Variants in HROB observed in about 807,000 individuals in gnomAD.
HROB encodes homologous recombination factor with OB-fold, also known as homologous recombination OB-fold protein.
Under a neutral mutation model 61.0 loss-of-function variants are expected in HROB, and 44 were observed. The ratio of observed to expected loss-of-function variants is 0.72; its 90% CI spans 0.57 to 0.93. HROB has a LOEUF of 0.93. HROB is among the 40% of genes least tolerant of loss of function. HROB has a pLI of 0.00. For missense variants in HROB, 716 were observed against 796.2 expected (o/e 0.90, Z 1.21); for synonymous variants, 301 against 310.4 (o/e 0.97, Z 0.32).
chr17:44,148,853 GTC>G lies in HROB; in HGVS notation c.1053_1054del (p.Pro352CysfsTer80). ...QPQAPVSSIG[S>X]PVGTPKGPQG... ...CGCAAGCTCCAGTGTCTTCCATTGG[GTC>G]TCCTGTTGGTACCCCAAAAGGTCCC... is the stretch of plus-strand genomic sequence containing the variant. On this transcript the variant is annotated frameshift_variant, in exon 3 of 10. Transcript: ENST00000585683. LOFTEE classifies it high-confidence loss of function. 1.2e-6 allele frequency: 2 copies of G among 1,614,106 alleles called. No individual in the cohort carries two copies. Among genetic ancestry groups the G allele is most frequent in the Non-Finnish European group, 1.7e-6 (2 of 1,180,024 alleles).
Position 44,152,676 on chromosome 17 carries a change from G to A in HROB, c.1348G>A (p.Gly450Arg). The change falls in exon 5 of 10, where the codon GGG becomes AGG. Residue 450 changes from glycine to arginine, a missense_variant. Gly to Arg is a moderately radical substitution (Grantham distance 125). Coordinates refer to ENST00000585683, the MANE Select transcript of HROB (RefSeq NM_001171251.3). ...SSQASVEEDF[G>R]RGPWLTMKST... Reference sequence around the variant, plus strand: ...CCAGGCATCTGTGGAGGAGGATTTTGGGCGAGGGCCCTGGCTGACCATGAA... The same window carrying A: ...CCAGGCATCTGTGGAGGAGGATTTTAGGCGAGGGCCCTGGCTGACCATGAA... The A allele has an allele frequency of 4.3e-6, 7 of 1,614,184 alleles. No homozygotes were observed. Among genetic ancestry groups the A allele is most frequent in the Non-Finnish European group, 5.9e-6 (7 of 1,180,030 alleles).
chr17:44,150,869 C>T, intron 3 of HROB, 92 bp from the exon 4 acceptor site: 2 of 1,086,574 alleles, frequency 1.8e-6, no homozygotes. Flanking sequence ...CTGATCATTT[C>T]CTGAACTCAT....
chr17:44,148,444 T>G lies in HROB; in HGVS notation c.641T>G (p.Val214Gly). 1.2e-6 allele frequency: 2 copies of G among 1,614,130 alleles called. No individual in the cohort carries two copies. The highest frequency in any genetic ancestry group is 2.2e-5 in the South Asian group (2 of 91,080). Residue 214 changes from valine (V) to glycine (G), a missense_variant, in exon 3 of 10, where the codon GTG (valine) becomes GGG (glycine). Physicochemically the swap from Val to Gly is moderately radical, Grantham distance 109. Transcript: ENST00000585683. ...DLSGSCQKGP[V>G]PAIHKAGIMS... The stretch of plus-strand genomic sequence containing the variant: ...AGTGGATCTTGCCAGAAGGGGCCTG[T>G]GCCTGCCATCCACAAAGCGGGTATC...
Position 44,152,148 on chromosome 17 carries a change from T to G in HROB, c.1309-489T>G, listed in dbSNP as rs149386241. Among the ~76,000 whole-genome samples, 734 of 151,318 alleles carry G rather than the reference T, an allele frequency of 4.9e-3. 6 individuals carry two copies. The highest frequency in any genetic ancestry group is 8.7e-3 in the Non-Finnish European group (588 of 67,790). The stretch of plus-strand genomic sequence containing the variant: ...GTGTGAGCCACTGCGCCCAGTCAAT[T>G]TTTGTATTTTTAGTAGAGACGAGGT... On this transcript the variant is annotated intron_variant, in intron 4 of 9. Transcript: ENST00000585683.
In HROB at chr17:44,148,415, T is replaced by G; in HGVS notation, c.612T>G (p.Asp204Glu). The G allele has an allele frequency of 6.2e-7, 1 of 1,614,062 alleles. No homozygotes were observed. Among genetic ancestry groups the G allele is most frequent in the South Asian group, 1.1e-5 (1 of 91,080 alleles). Reference protein sequence around the residue: ...SVLAKKARVVDLSGSCQKGPV... With the variant: ...SVLAKKARVVELSGSCQKGPV... The stretch of plus-strand genomic sequence containing the variant: ...TGGCTAAAAAAGCCCGGGTAGTTGA[T>G]CTGAGTGGATCTTGCCAGAAGGGGC... Residue 204 changes from aspartate (D) to glutamate (E), a missense_variant, in exon 3 of 10, where the codon GAT (aspartate) becomes GAG (glutamate). By Grantham distance (45) the Asp-to-Glu change is conservative (BLOSUM62 2). Coordinates refer to ENST00000585683, the MANE Select transcript of HROB (RefSeq NM_001171251.3).
Position 44,160,607 on chromosome 17 carries a change from T to G in HROB, c.1880-1264T>G, listed in dbSNP as rs2054110519. ...TCCATATATAATCATCTCTATATCC[T>G]ATTTCTAGTATAACTTTTCTTATTC... On this transcript the variant is annotated intron_variant, in intron 9 of 9. Coordinates refer to ENST00000585683, the MANE Select transcript of HROB (RefSeq NM_001171251.3). Among the ~76,000 whole-genome samples, 5 of 152,182 alleles carry G rather than the reference T, an allele frequency of 3.3e-5. No individual in the cohort carries two copies. The South Asian group carries it at 1.0e-3, about 31-fold the overall frequency.
rs909641062 is a variant in HROB at position 44,162,057 on chromosome 17, T to C, written c.*125T>C. ...GGACACAGCCGGGGGGCTTCTGTGG[T>C]TGCTCCCACCCTGGGTGTTTTCCCT... is the stretch of plus-strand genomic sequence containing the variant. On this transcript the variant is annotated 3_prime_UTR_variant, in exon 10 of 10. Transcript: ENST00000585683. The C allele has an allele frequency of 1.4e-5, 15 of 1,099,712 alleles. No homozygotes were observed. The highest frequency in any genetic ancestry group is 2.0e-5 in the Non-Finnish European group (15 of 756,024). The allele number at this position is 1,099,712 out of a possible 1,614,324, so 68.1% of individuals were successfully genotyped here.
chr17:44,153,366 G>A (rs1488873442), intron 5 of HROB, among the ~76,000 whole-genome samples: 1 of 151,842 alleles, frequency 6.6e-6, no homozygotes, highest in Non-Finnish European at 1.5e-5. Context: ...GAGGCCAGAG[G>A]ATCACTTGAT....
intron 1 of HROB, among the ~76,000 whole-genome samples, chr17:44,144,426 C>A (rs1409702098): frequency 6.6e-6 from 1 of 152,116 alleles, no homozygotes; most frequent in Non-Finnish European, 1.5e-5. Context: ...TAGGTGTGAG[C>A]CACCACGCCC....
rs1199550756 is a variant in HROB, at chr17:44,148,605, G to T, written c.802G>T (p.Val268Phe). 1.2e-6 allele frequency: 2 copies of T among 1,613,706 alleles called. No individual in the cohort carries two copies. Among genetic ancestry groups the T allele is most frequent in the Non-Finnish European group, 1.7e-6 (2 of 1,180,024 alleles). The part of the protein sequence containing the change: ...TVPTQQLHWE[V>F]CPQRSPVQAL... ...TCCCACTCAGCAACTCCACTGGGAA[G>T]TCTGTCCGCAACGCTCCCCTGTTCA... The change falls in exon 3 of 10, where the codon GTC becomes TTC. Residue 268 changes from valine to phenylalanine, a missense_variant. Val to Phe is a conservative substitution (Grantham distance 50). Transcript: ENST00000585683.
chr17:44,152,914 G>A, intron 5 of HROB, 137 bp downstream of exon 5: 1 of 1,122,832 alleles, frequency 8.9e-7, no homozygotes, highest in South Asian at 1.6e-5. Flanking sequence ...AGCCCCTTTG[G>A]TTGTATCTTC....
Position 44,148,160 on chromosome 17 carries a change from G to A in HROB, c.357G>A (p.Val119=). 6.2e-7 allele frequency: 1 copy of A among 1,614,194 alleles called. No individual in the cohort carries two copies. Residue 119 remains valine (V), a synonymous_variant, in exon 3 of 10, where the codon GTG becomes GTA. Transcript: ENST00000585683. The part of the protein sequence containing the change: ...SWIGNQRRVT[V]TEVLRETARP... ...TTGGCAATCAGAGAAGAGTGACAGT[G>A]ACAGAAGTGCTCAGAGAGACAGCAA...
At chr17:44,155,168 C>T in intron 7 of HROB, 118 bp from the exon 8 acceptor site, 2 of 1,481,312 alleles carry the variant, frequency 1.4e-6, no homozygotes, top group African/African-American at 1.4e-5. Flanking sequence ...AAATGGTTCT[C>T]TTCTGGCACC....
intron 7 of HROB, 135 bp from the exon 8 acceptor site, chr17:44,155,151 T>A: frequency 7.1e-7 from 1 of 1,400,012 alleles, no homozygotes; most frequent in Non-Finnish European, 9.8e-7. Flanking sequence ...TAAGGGGAGA[T>A]TGTGGCAAAT....
chr17:44,144,841 G>A (rs1450692840), intron 1 of HROB, among the ~76,000 whole-genome samples: 3 of 148,362 alleles, frequency 2.0e-5, no homozygotes, highest in East Asian at 2.0e-4. Context: ...TCAGCCTCCC[G>A]AGTAGCTGGG....
Position 44,157,828 on chromosome 17 carries a change from CCCAGGAT to C in HROB, c.1771-4_1773del, listed in dbSNP as rs2054016646. 1 of 1,610,108 alleles carries C rather than the reference CCCAGGAT, an allele frequency of 6.2e-7. No homozygotes were observed. Among genetic ancestry groups the C allele is most frequent in the Non-Finnish European group, 8.5e-7 (1 of 1,177,842 alleles). ...GGCATTGGTAACCAGATCCTCTGTC[CCCAGGAT>C]TCAGGGAGCTTCCAGCATGATGTGG... On this transcript the variant is annotated splice_acceptor_variant and splice_polypyrimidine_tract_variant and coding_sequence_variant and intron_variant, in exon 9 of 10. Transcript: ENST00000585683. LOFTEE classifies it high-confidence loss of function.
At chr17:44,160,405 A>C (rs1233959406) in intron 9 of HROB, among the ~76,000 whole-genome samples, 1 of 152,056 alleles carries the variant, frequency 6.6e-6, no homozygotes, top group Non-Finnish European at 1.5e-5. Context: ...GTCTCTACTA[A>C]AAATACACAA....
At chr17:44,142,264 T>C in intron 1 of HROB, 119 bp downstream of exon 1, 1 of 1,274,920 alleles carries the variant, frequency 7.8e-7, no homozygotes, top group South Asian at 1.7e-5. Context: ...TGGGTGGGGG[T>C]TCGGCGGAGT....
Position 44,157,405 on chromosome 17 carries a change from CTTTTTTTTTT to C in HROB, c.1771-412_1771-403del, listed in dbSNP as rs71160088. ...TCTGCCATACTCTTCCATCATGTTT[CTTTTTTTTTT>C]TTTTTTTTTTTTTTTGGAGCAAGGG... On this transcript the variant is annotated intron_variant, in intron 8 of 9. Coordinates refer to ENST00000585683, the MANE Select transcript of HROB (RefSeq NM_001171251.3). Among the ~76,000 whole-genome samples, 4 of 81,480 alleles carry C rather than the reference CTTTTTTTTTT, an allele frequency of 4.9e-5. No individual in the cohort carries two copies. The East Asian group carries it at 1.5e-3, about 30-fold the overall frequency. 53.5% of individuals were successfully genotyped at this position (81,480 alleles called of 152,430 possible).
Sources: gnomAD v4.1 joint callset for allele counts (sites outside exome capture counted in the v4.1 genomes callset) on GRCh38, gnomAD v4.1.1 for gene constraint, MANE v1.5 for transcripts, NCBI Gene and HGNC (gene_info 2026-07-23, HGNC 2026-07-21) for gene names.